Variants in LHFPL3 observed in about 807,000 individuals in gnomAD.
LHFPL3 encodes LHFPL tetraspan subfamily member 3 protein.
A neutral mutation model predicts 19.3 loss-of-function variants in LHFPL3; 5 were observed. That is an observed-to-expected ratio of 0.26 (90% confidence interval 0.14 to 0.54). LHFPL3 has a LOEUF of 0.54. Ranked by LOEUF, LHFPL3 falls within the 20% of genes least tolerant of loss-of-function variation. LHFPL3 has a pLI of 0.94. For synonymous variants in LHFPL3, 133 were observed against 126.2 expected (o/e 1.05, Z -0.36); for missense variants, 249 against 307.4 (o/e 0.81, Z 1.42).
chr7:104,724,640 A>AAAAAT (rs1407248944), intron 1 of LHFPL3, among the ~76,000 whole-genome samples: 1 of 152,246 alleles, frequency 6.6e-6, no homozygotes, highest in Non-Finnish European at 1.5e-5. Flanking sequence ...GAAGACCAGG[A>AAAAAT]AAAATAACTA....
At chr7:104,901,284 G>A (rs1468814117) in intron 2 of LHFPL3, among the ~76,000 whole-genome samples, 2 of 152,156 alleles carry the variant, frequency 1.3e-5, no homozygotes, top group Non-Finnish European at 2.9e-5. Context: ...CCCCAACAAA[G>A]TGTTTTCCTG....
rs1377649787 is a variant in LHFPL3 at position 104,332,023 on chromosome 7, A to G, written c.445+2799A>G. ...AATGTTAAGTAGTCTTCTCCTACCT[A>G]TTTGTTTACCAGTACCTAGGCTAAT... On this transcript the variant is annotated intron_variant, in intron 1 of 2. Coordinates refer to ENST00000424859, the MANE Select transcript of LHFPL3 (RefSeq NM_199000.3). 2.6e-5 allele frequency among the ~76,000 whole-genome samples: 4 copies of G among 151,810 alleles called. No homozygotes were observed. The South Asian group carries it at 8.3e-4, about 32-fold the overall frequency.
chr7:104,563,839 G>T (rs1353746379), intron 1 of LHFPL3, among the ~76,000 whole-genome samples: 2 of 152,148 alleles, frequency 1.3e-5, no homozygotes, highest in African/African-American at 4.8e-5. Flanking sequence ...CCCAATCTGT[G>T]ATATTCTGTT....
chr7:104,734,929 T>A (rs1793776820), intron 1 of LHFPL3, among the ~76,000 whole-genome samples: 1 of 152,356 alleles, frequency 6.6e-6, no homozygotes, highest in Admixed American at 6.5e-5. Context: ...TTAGTTTTCC[T>A]TTTAACAGTC....
intron 1 of LHFPL3, among the ~76,000 whole-genome samples, chr7:104,503,270 ATTT>A (rs1793635781): frequency 6.6e-6 from 1 of 152,158 alleles, no homozygotes; most frequent in African/African-American, 2.4e-5. Context: ...ATGCTATCCC[ATTT>A]TGGTAAAAAG....
chr7:104,390,646 G>A (rs1791047333), intron 1 of LHFPL3, among the ~76,000 whole-genome samples: 1 of 152,148 alleles, frequency 6.6e-6, no homozygotes, highest in Non-Finnish European at 1.5e-5. Context: ...ATAAACATAT[G>A]TGTGCATGTG....
intron 1 of LHFPL3, among the ~76,000 whole-genome samples, chr7:104,603,655 C>T (rs1470931616): frequency 1.3e-5 from 2 of 152,066 alleles, no homozygotes; most frequent in East Asian, 1.9e-4. Context: ...TATTTACTTC[C>T]AAAATACAGT....
intron 1 of LHFPL3, among the ~76,000 whole-genome samples, chr7:104,442,169 A>G (rs1175721510): frequency 6.6e-6 from 1 of 151,466 alleles, no homozygotes; most frequent in African/African-American, 2.4e-5. Flanking sequence ...GCATTTTTTC[A>G]CATATATATT....
chr7:104,544,550 G>T lies in LHFPL3; in HGVS notation c.446-192125G>T, dbSNP rs115826939. ...AAACCTTGAAGTCATTTCTCTTTCAGTTCTTTCTAGGGCAACCAGGACTTT... is the reference window on the plus strand; with the variant it reads ...AAACCTTGAAGTCATTTCTCTTTCATTTCTTTCTAGGGCAACCAGGACTTT... On this transcript the variant is annotated intron_variant, in intron 1 of 2. Transcript: ENST00000424859. Among the ~76,000 whole-genome samples, 176 of 152,224 alleles carry T rather than the reference G, an allele frequency of 1.2e-3. 1 individual carries two copies. The highest frequency in any genetic ancestry group is 4.1e-3 in the African/African-American group (169 of 41,528).
chr7:104,332,715 A>G (rs1259040105), intron 1 of LHFPL3, among the ~76,000 whole-genome samples: 1 of 152,110 alleles, frequency 6.6e-6, no homozygotes, highest in Non-Finnish European at 1.5e-5. Context: ...TCGTGCCGTT[A>G]TGAACACCTT....
Position 104,343,512 on chromosome 7 carries a change from C to CAAAAAAAAAAA in LHFPL3, c.445+14317_445+14327dup, listed in dbSNP as rs536122769. On this transcript the variant is annotated intron_variant, in intron 1 of 2. Transcript: ENST00000424859. The stretch of plus-strand genomic sequence containing the variant: ...TGGGCAACAGAGTGAGACTCTGTCT[C>CAAAAAAAAAAA]AAAAAAAAAAAAAAAAAAAAAAAAA... Among the ~76,000 whole-genome samples, 15 of 47,476 alleles carry CAAAAAAAAAAA rather than the reference C, an allele frequency of 3.2e-4. 2 individuals carry two copies. Among genetic ancestry groups the CAAAAAAAAAAA allele is most frequent in the Non-Finnish European group, 5.0e-4 (12 of 24,042 alleles). The allele number at this position is 47,476 out of a possible 152,430, so 31.1% of individuals were successfully genotyped here. A position where few individuals can be genotyped will look rare whatever the true frequency, so the allele number is the denominator to read the frequency against.
intron 1 of LHFPL3, among the ~76,000 whole-genome samples, chr7:104,508,617 A>T (rs547535151): frequency 0.034 from 4,238 of 124,012 alleles, 90 homozygotes; most frequent in African/African-American, 0.081. Context: ...AATAAAAAAA[A>T]ATATATATAT....
intron 1 of LHFPL3, chr7:104,669,011 C>T: frequency 6.2e-7 from 1 of 1,612,096 alleles, no homozygotes; most frequent in African/African-American, 1.3e-5. Context: ...GGAAGTGAGT[C>T]ATCACAGACT....
At chr7:104,363,415 C>A (rs1449754728) in intron 1 of LHFPL3, among the ~76,000 whole-genome samples, 4 of 152,216 alleles carry the variant, frequency 2.6e-5, no homozygotes. Context: ...ATGGGAGATG[C>A]TGCTGCAGTA....
intron 1 of LHFPL3, among the ~76,000 whole-genome samples, chr7:104,336,901 A>G (rs1436865732): frequency 2.0e-5 from 3 of 152,238 alleles, no homozygotes; most frequent in East Asian, 1.9e-4. Flanking sequence ...AGAAGCAGAC[A>G]TGCACAACCT....
intron 2 of LHFPL3, among the ~76,000 whole-genome samples, chr7:104,836,868 T>TTATCTC (rs1791106956): frequency 6.6e-6 from 1 of 152,176 alleles, no homozygotes; most frequent in Non-Finnish European, 1.5e-5. Flanking sequence ...GGATGTCAGT[T>TTATCTC]TATCTCTGAC....
At chr7:104,760,169 G>T (rs61685636) in intron 2 of LHFPL3, among the ~76,000 whole-genome samples, 2,305 of 152,236 alleles carry the variant, frequency 0.015, 61 homozygotes, top group East Asian at 0.1. Flanking sequence ...TTGGTCCAGG[G>T]ACCACACTTT....
At chr7:104,549,448 AACACACACACACACACACACAC>A (rs61148155) in intron 1 of LHFPL3, among the ~76,000 whole-genome samples, 9 of 140,234 alleles carry the variant, frequency 6.4e-5, no homozygotes, top group African/African-American at 2.1e-4. Flanking sequence ...CCCTTAACCC[AACACACACACACACACACACAC>A]ACACACACAC....
intron 1 of LHFPL3, among the ~76,000 whole-genome samples, chr7:104,441,498 T>G (rs1434285083): frequency 6.6e-6 from 1 of 152,234 alleles, no homozygotes; most frequent in Non-Finnish European, 1.5e-5. Context: ...TTTATGTTGT[T>G]TCCATATCTT....
Sources: gnomAD v4.1 joint callset for allele counts (sites outside exome capture counted in the v4.1 genomes callset) on GRCh38, gnomAD v4.1.1 for gene constraint, MANE v1.5 for transcripts, NCBI Gene and HGNC (gene_info 2026-07-23, HGNC 2026-07-21) for gene names.